UEVLD: variants seen among roughly 807,000 people sequenced by gnomAD.
The protein encoded by UEVLD is UEV and lactate/malate dehyrogenase domains.
A neutral mutation model predicts 58.6 loss-of-function variants in UEVLD; 47 were observed. That is an observed-to-expected ratio of 0.80 (90% confidence interval 0.63 to 1.02). The LOEUF (loss-of-function observed/expected upper bound fraction) is 1.02, where lower values mean the gene tolerates loss of function less well. UEVLD is among the 50% of genes least tolerant of loss of function. UEVLD has a pLI of 0.00. For missense variants in UEVLD, 510 were observed against 550.6 expected, an observed-to-expected ratio of 0.93 and a Z score of 0.74; for synonymous variants, 197 against 195.3, an observed-to-expected ratio of 1.01 and a Z score of -0.07.
At chr11:18,579,160 C>T (rs954995722) in intron 1 of UEVLD, among the ~76,000 whole-genome samples, 2 of 152,180 alleles carry the variant, frequency 1.3e-5, no homozygotes, top group African/African-American at 4.8e-5. Context: ...AGCCACCACG[C>T]CCGGCCTGCA....
chr11:18,579,391 G>C (rs1304525759), intron 1 of UEVLD: 2 of 949,230 alleles, frequency 2.1e-6, no homozygotes, highest in Non-Finnish European at 2.5e-6. Context: ...TCCAGGACCA[G>C]AGTCTTTAAT....
At chr11:18,551,725 C>T (rs1466690497) in intron 7 of UEVLD, among the ~76,000 whole-genome samples, 1 of 152,176 alleles carries the variant, frequency 6.6e-6, no homozygotes, top group Non-Finnish European at 1.5e-5. Flanking sequence ...ACACAAGCCT[C>T]TCACCTCTTT....
Position 18,558,285 on chromosome 11 carries a change from T to C in UEVLD, c.658A>G (p.Lys220Glu), listed in dbSNP as rs1173600652. The C allele has an allele frequency of 1.2e-6, 2 of 1,613,426 alleles. No homozygotes were observed. Among genetic ancestry groups the C allele is most frequent in the African/African-American group, 2.7e-5 (2 of 74,924 alleles). Residue 220 changes from lysine (K) to glutamate (E), a missense_variant, in exon 7 of 12, where the codon AAA (lysine) becomes GAA (glutamate). Lys to Glu is a moderately conservative substitution (Grantham distance 56, BLOSUM62 1). Transcript: ENST00000396197. ...LVLLDLSEGT[K>E]GATMDLEIFN... ...ATTTCAAGGTCCATCGTGGCTCCTT[T>C]AGTCCCTTCTGAGAGGTCTAAGAGG...
At chr11:18,566,571 A>C (rs1852314346) in intron 4 of UEVLD, 89 bp from the exon 5 acceptor site, 5 of 1,408,200 alleles carry the variant, frequency 3.6e-6, no homozygotes, top group Admixed American at 4.4e-5. Context: ...ACTTGAGCCC[A>C]GGAGTTTCAG....
intron 6 of UEVLD, 80 bp downstream of exon 6, chr11:18,564,812 A>G: frequency 2.0e-6 from 2 of 980,380 alleles, no homozygotes; most frequent in East Asian, 5.2e-5. Context: ...AAATGAAGGC[A>G]TTTTTTGGTG....
At chr11:18,561,888 G>A (rs925357972) in intron 6 of UEVLD, among the ~76,000 whole-genome samples, 2 of 150,734 alleles carry the variant, frequency 1.3e-5, no homozygotes, top group Non-Finnish European at 2.9e-5. Context: ...GACTGAGCGA[G>A]ACTCCATCTC....
intron 1 of UEVLD, among the ~76,000 whole-genome samples, chr11:18,584,044 T>C (rs1011144863): frequency 6.6e-6 from 1 of 152,156 alleles, no homozygotes; most frequent in African/African-American, 2.4e-5. Context: ...ATTAGGGAAC[T>C]AGGTAATTTC....
At chr11:18,536,301 G>C (rs1334463994) in intron 10 of UEVLD, 105 bp downstream of exon 10, 1 of 1,070,702 alleles carries the variant, frequency 9.3e-7, no homozygotes, top group African/African-American at 1.6e-5. Flanking sequence ...GTCCATATTA[G>C]TTTTGTTTCC....
chr11:18,577,060 G>A (rs901712564), intron 2 of UEVLD, among the ~76,000 whole-genome samples: 1 of 152,160 alleles, frequency 6.6e-6, no homozygotes, highest in Non-Finnish European at 1.5e-5. Context: ...GCATGCGCCT[G>A]TAGTTCCAGC....
intron 7 of UEVLD, among the ~76,000 whole-genome samples, chr11:18,548,262 C>G (rs1182923550): frequency 6.6e-6 from 1 of 152,182 alleles, no homozygotes; most frequent in African/African-American, 2.4e-5. Flanking sequence ...ACAGTAAGTA[C>G]ATGCCCAAAC....
intron 7 of UEVLD, among the ~76,000 whole-genome samples, chr11:18,552,096 T>TA (rs760307845): frequency 1.3e-5 from 2 of 152,232 alleles, no homozygotes; most frequent in African/African-American, 2.4e-5. Context: ...ATTTATCTGG[T>TA]ATATCATTAA....
Position 18,566,460 on chromosome 11 carries a change from A to T in UEVLD, c.380T>A (p.Leu127Ter). 1 of 1,614,026 alleles carries T rather than the reference A, an allele frequency of 6.2e-7. No individual in the cohort carries two copies. The highest frequency in any genetic ancestry group is 2.2e-5 in the East Asian group (1 of 44,862). Residue 127 changes from leucine to a stop codon, truncating the protein, a stop_gained, in exon 5 of 12, where the codon TTA becomes TAA. Transcript: ENST00000396197. LOFTEE classifies it high-confidence loss of function. ...WSHPKSVIVG[L>*]IKEMIAKFQE... The stretch of plus-strand genomic sequence containing the variant: ...AAACTTGGCAATCATTTCTTTAATT[A>T]ATCCAACAATGACAGATTTAGGCTG...
chr11:18,557,964 A>T (rs920352755), intron 7 of UEVLD, among the ~76,000 whole-genome samples: 2 of 152,232 alleles, frequency 1.3e-5, no homozygotes, highest in African/African-American at 2.4e-5. Context: ...TTTGAGGTAT[A>T]AGTCAAAAAC....
chr11:18,566,587 G>T, intron 4 of UEVLD, 105 bp from the exon 5 acceptor site: 2 of 1,197,648 alleles, frequency 1.7e-6, no homozygotes, highest in Non-Finnish European at 2.3e-6. Flanking sequence ...TTCAGATGCA[G>T]TGAGTTATGG....
intron 7 of UEVLD, among the ~76,000 whole-genome samples, chr11:18,557,555 CTTTTTTTT>C (rs565115740): frequency 0.021 from 2,877 of 138,112 alleles, 90 homozygotes; most frequent in African/African-American, 0.072. Flanking sequence ...TTCTTTTTTT[CTTTTTTTT>C]TTTTTCAGAG....
chr11:18,579,814 C>G (rs961682987), intron 1 of UEVLD, among the ~76,000 whole-genome samples: 2 of 151,996 alleles, frequency 1.3e-5, no homozygotes, highest in African/African-American at 4.8e-5. Context: ...TTTGAGACAA[C>G]AATTCCTTTT....
In UEVLD at chr11:18,571,052, G is replaced by A. The variant is rs193229056; in HGVS notation, c.194-675C>T. Among the ~76,000 whole-genome samples, 670 of 152,074 alleles carry A rather than the reference G, an allele frequency of 4.4e-3. 3 individuals are homozygous for A. The highest frequency in any genetic ancestry group is 0.027 in the Middle Eastern group (8 of 294). On this transcript the variant is annotated intron_variant, in intron 3 of 11. Coordinates refer to ENST00000396197, the MANE Select transcript of UEVLD (RefSeq NM_001040697.4). ...TTAATCACTACACATTAAAGAAAAG[G>A]AAAGAAATGTCTATTGAAGGCCGGG...
At chr11:18,535,856 G>T (rs562024164) in intron 10 of UEVLD, among the ~76,000 whole-genome samples, 1 of 152,258 alleles carries the variant, frequency 6.6e-6, no homozygotes, top group Admixed American at 6.5e-5. Context: ...AAAATTGTTG[G>T]CCTGGCACGG....
chr11:18,560,090 T>TACACAC (rs71050609), intron 6 of UEVLD, among the ~76,000 whole-genome samples: 1,226 of 76,088 alleles, frequency 0.016, 51 homozygotes, highest in Non-Finnish European at 0.02. Context: ...ACCCCGTCTC[T>TACACAC]ACACACACAC....
Sources: allele counts gnomAD v4.1 joint callset (sites outside exome capture counted in the v4.1 genomes callset), GRCh38; gene constraint gnomAD v4.1.1; transcripts MANE v1.5; gene names NCBI Gene and HGNC (gene_info 2026-07-23, HGNC 2026-07-21).